The following CEP63 variants were observed in gnomAD, a reference collection of about 807,000 sequenced individuals.
CEP63 encodes the protein centrosomal protein 63, also known as centrosomal protein of 63 kDa.
Under a neutral mutation model 89.1 loss-of-function variants are expected in CEP63, and 84 were observed. The observed-to-expected ratio is 0.94, with a 90% confidence interval of 0.79 to 1.13. The LOEUF (loss-of-function observed/expected upper bound fraction) is 1.13, where lower values mean the gene tolerates loss of function less well. Ranked by LOEUF, CEP63 falls within the 50% of genes most tolerant of loss-of-function variation. The pLI, the probability that CEP63 is intolerant of heterozygous loss-of-function variation, is 0.00. For missense variants in CEP63, 838 were observed against 813.3 expected (o/e 1.03, Z -0.37); for synonymous variants, 267 against 272.5 (o/e 0.98, Z 0.20).
intron 6 of CEP63, among the ~76,000 whole-genome samples, chr3:134,541,510 CTTTTTTT>C (rs564947611): frequency 9.3e-5 from 12 of 128,354 alleles, no homozygotes; most frequent in African/African-American, 3.2e-4. Flanking sequence ...TACTAGCCAA[CTTTTTTT>C]TTTTTTTTTT....
chr3:134,696,882 A>G, the CEP63 span, among the ~76,000 whole-genome samples: 1 of 152,254 alleles, frequency 6.6e-6, no homozygotes, highest in African/African-American at 2.4e-5. Flanking sequence ...CTAATAATTC[A>G]GGAGGGAATT....
At chr3:134,730,633 A>G in the CEP63 span, among the ~76,000 whole-genome samples, 2 of 152,166 alleles carry the variant, frequency 1.3e-5, no homozygotes, top group African/African-American at 4.8e-5. Context: ...CTCTAGATAA[A>G]TGTTTTTTCA....
chr3:134,500,399 C>G (rs1941602973), intron 2 of CEP63, among the ~76,000 whole-genome samples: 1 of 149,950 alleles, frequency 6.7e-6, no homozygotes, highest in Non-Finnish European at 1.5e-5. Context: ...TTGCGATGAA[C>G]ATGTGAGCGC....
At chr3:134,764,265 A>T in the CEP63 span, among the ~76,000 whole-genome samples, 2 of 152,164 alleles carry the variant, frequency 1.3e-5, no homozygotes, top group Non-Finnish European at 2.9e-5. Context: ...TGCCCTTTCC[A>T]AAGCCTTCCG....
the CEP63 span, among the ~76,000 whole-genome samples, chr3:134,666,998 T>G: frequency 6.6e-5 from 10 of 152,152 alleles, no homozygotes; most frequent in African/African-American, 2.4e-4. Flanking sequence ...TTTTAATGAC[T>G]CTATTGCCTC....
chr3:134,564,166 C>A lies in CEP63; in HGVS notation c.*2631C>A. 1 of 695,312 alleles carries A rather than the reference C, an allele frequency of 1.4e-6. No individual in the cohort carries two copies. Among genetic ancestry groups the A allele is most frequent in the Non-Finnish European group, 1.8e-6 (1 of 564,962 alleles). The allele number at this position is 695,312 out of a possible 1,614,324, so 43.1% of individuals were successfully genotyped here. ...AAACTCCTTGAGGGCAAGGACTTTG[C>A]TTCTCTGGTTCATGGTGGGATCCTC... On this transcript the variant is annotated 3_prime_UTR_variant, in exon 15 of 15. Coordinates refer to ENST00000675561, the MANE Select transcript of CEP63 (RefSeq NM_001353108.3).
the CEP63 span, chr3:134,608,964 G>A: frequency 1.9e-6 from 2 of 1,079,510 alleles, no homozygotes; most frequent in Non-Finnish European, 2.6e-6. Context: ...ACCCTAACAT[G>A]GGCACTGGAG....
chr3:134,697,491 C>T, the CEP63 span, among the ~76,000 whole-genome samples: 1 of 152,168 alleles, frequency 6.6e-6, no homozygotes, highest in South Asian at 2.1e-4. Flanking sequence ...CAGAATCCCA[C>T]TTTAGAAAGA....
chr3:134,736,684 T>A, the CEP63 span, among the ~76,000 whole-genome samples: 2 of 152,316 alleles, frequency 1.3e-5, no homozygotes, highest in South Asian at 4.1e-4. Flanking sequence ...GAATGATACA[T>A]CACATTCATG....
At chr3:134,664,236 G>T in the CEP63 span, among the ~76,000 whole-genome samples, 1 of 152,190 alleles carries the variant, frequency 6.6e-6, no homozygotes, top group Non-Finnish European at 1.5e-5. Flanking sequence ...GGGAGTTGAA[G>T]TCCCAGCATT....
chr3:134,689,292 A>T, the CEP63 span, among the ~76,000 whole-genome samples: 132 of 152,306 alleles, frequency 8.7e-4, no homozygotes, highest in Non-Finnish European at 1.5e-3. Context: ...ACTATGAGAC[A>T]GAAAAAAATG....
At chr3:134,705,559 T>C in the CEP63 span, among the ~76,000 whole-genome samples, 1 of 152,210 alleles carries the variant, frequency 6.6e-6, no homozygotes, top group African/African-American at 2.4e-5. Flanking sequence ...CTCCAAACCA[T>C]AGTAGATCCA....
At chr3:134,780,267 G>A in the CEP63 span, among the ~76,000 whole-genome samples, 1 of 151,930 alleles carries the variant, frequency 6.6e-6, no homozygotes, top group Non-Finnish European at 1.5e-5. Flanking sequence ...TTTTGTAGTC[G>A]AAATATATAA....
the CEP63 span, among the ~76,000 whole-genome samples, chr3:134,731,600 A>C: frequency 6.6e-6 from 1 of 152,186 alleles, no homozygotes; most frequent in Non-Finnish European, 1.5e-5. Flanking sequence ...AGCTGCCTGA[A>C]CCTGTTTAGT....
the CEP63 span, among the ~76,000 whole-genome samples, chr3:134,733,446 A>G: frequency 2.0e-5 from 3 of 152,228 alleles, no homozygotes; most frequent in Non-Finnish European, 4.4e-5. Flanking sequence ...AGCTTCATGT[A>G]TCCCTAAGAA....
the CEP63 span, among the ~76,000 whole-genome samples, chr3:134,727,531 G>C: frequency 6.6e-6 from 1 of 152,150 alleles, no homozygotes; most frequent in Non-Finnish European, 1.5e-5. Context: ...GTGGGCTGAA[G>C]AAGGATAAAG....
chr3:134,555,250 A>C (rs1477352700), intron 12 of CEP63, among the ~76,000 whole-genome samples: 1 of 152,152 alleles, frequency 6.6e-6, no homozygotes, highest in East Asian at 1.9e-4. Context: ...CCTATTCAAC[A>C]TACTGTTGGA....
the CEP63 span, among the ~76,000 whole-genome samples, chr3:134,778,023 G>T: frequency 6.6e-6 from 1 of 151,420 alleles, no homozygotes; most frequent in African/African-American, 2.4e-5. Context: ...TCTCTCATTT[G>T]TTCTGCAAGT....
At chr3:134,745,202 T>A in the CEP63 span, among the ~76,000 whole-genome samples, 2 of 152,198 alleles carry the variant, frequency 1.3e-5, no homozygotes, top group Admixed American at 6.5e-5. Flanking sequence ...GTTTTCTGCC[T>A]CTCAGGGATA....
Sources: allele counts gnomAD v4.1 joint callset (sites outside exome capture counted in the v4.1 genomes callset), GRCh38; gene constraint gnomAD v4.1.1; transcripts MANE v1.5; gene names NCBI Gene and HGNC (gene_info 2026-07-23, HGNC 2026-07-21).